The following GMDS variants were observed in gnomAD, a reference collection of about 807,000 sequenced individuals.
The protein encoded by GMDS is GDP-mannose 4,6 dehydratase.
In GMDS, 20 loss-of-function variants were observed where a neutral mutation model predicts 49.9. The ratio of observed to expected loss-of-function variants is 0.40; its 90% CI spans 0.28 to 0.58. The LOEUF is 0.58. Ranked by LOEUF, GMDS falls within the 20% of genes least tolerant of loss-of-function variation. The pLI is 0.42. For missense variants in GMDS, 362 were observed against 481.4 expected, an observed-to-expected ratio of 0.75 and a Z score of 2.32; for synonymous variants, 177 against 178.6, an observed-to-expected ratio of 0.99 and a Z score of 0.07.
intron 8 of GMDS, among the ~76,000 whole-genome samples, chr6:1,732,282 G>A (rs1387789207): frequency 4.6e-5 from 7 of 152,240 alleles, no homozygotes; most frequent in African/African-American, 7.2e-5. Context: ...AGCCCAGATC[G>A]CACCACTGCA....
chr6:1,998,275 C>G (rs762315829), intron 4 of GMDS, among the ~76,000 whole-genome samples: 1 of 151,974 alleles, frequency 6.6e-6, no homozygotes, highest in Admixed American at 6.6e-5. Flanking sequence ...ATAAACAGCC[C>G]ATGAAATACC....
At chr6:1,975,201 T>G (rs748868411) in intron 4 of GMDS, among the ~76,000 whole-genome samples, 9 of 152,178 alleles carry the variant, frequency 5.9e-5, no homozygotes, top group South Asian at 4.1e-4. Flanking sequence ...GAAAGTAAAG[T>G]GGCTTTGTGA....
intron 4 of GMDS, among the ~76,000 whole-genome samples, chr6:2,039,800 T>G (rs1211887574): frequency 6.6e-6 from 1 of 152,190 alleles, no homozygotes; most frequent in Admixed American, 6.6e-5. Flanking sequence ...AGCTGTTTTA[T>G]AGTTAACTTT....
At chr6:1,933,584 T>C (rs574665707) in intron 6 of GMDS, among the ~76,000 whole-genome samples, 167 of 152,344 alleles carry the variant, frequency 1.1e-3, no homozygotes, top group African/African-American at 4.0e-3. Flanking sequence ...TGGTATCTTA[T>C]TGTGGTTCCG....
chr6:1,778,450 G>A lies in GMDS; in HGVS notation c.772-35864C>T, dbSNP rs1476847001. 6.6e-6 allele frequency among the ~76,000 whole-genome samples: 1 copy of A among 152,202 alleles called. No individual in the cohort carries two copies. The highest frequency in any genetic ancestry group is 1.5e-5 in the Non-Finnish European group (1 of 68,034). The stretch of plus-strand genomic sequence containing the variant: ...GGAACGGCGGGCACTGTGCTGAGGA[G>A]TGGCCAAGGAACTGTGGAATTCAAG... On this transcript the variant is annotated intron_variant, in intron 7 of 10. Coordinates refer to ENST00000380815, the MANE Select transcript of GMDS (RefSeq NM_001500.4). The surrounding 1 kb of genome is among the most constrained non-coding windows in gnomAD (Gnocchi z 4.6).
At chr6:2,241,563 T>A (rs1186490511) in intron 1 of GMDS, among the ~76,000 whole-genome samples, 4 of 152,138 alleles carry the variant, frequency 2.6e-5, no homozygotes, top group Non-Finnish European at 2.9e-5. Flanking sequence ...AGATCCCTCA[T>A]GAATGCTTGG....
chr6:1,950,843 G>C (rs930767888), intron 6 of GMDS, among the ~76,000 whole-genome samples: 1 of 151,952 alleles, frequency 6.6e-6, no homozygotes, highest in Non-Finnish European at 1.5e-5. Flanking sequence ...GAACCATCTG[G>C]ACAGGACAGG....
At position 2,245,336 on chromosome 6, in the gene GMDS, G is replaced by A. The variant is rs1450970872; in HGVS notation, c.87C>T (p.Thr29=). 8.4e-6 allele frequency: 13 copies of A among 1,550,008 alleles called. No individual in the cohort carries two copies. Among genetic ancestry groups the A allele is most frequent in the Non-Finnish European group, 1.1e-5 (13 of 1,152,238 alleles). ...CCGCACTCACCTGGCCTGTGATACCGGTGATGAGCGCCACGTTCCTGGGCT... is the reference window on the plus strand; with the variant it reads ...CCGCACTCACCTGGCCTGTGATACCAGTGATGAGCGCCACGTTCCTGGGCT... ...MGKPRNVALI[T]GITGQDGSYL... is the part of the protein sequence containing the mutation. The change falls in exon 1 of 11, where the codon ACC becomes ACT. Residue 29 remains threonine, a synonymous_variant. Coordinates refer to ENST00000380815, the MANE Select transcript of GMDS (RefSeq NM_001500.4).
At chr6:1,846,862 T>C (rs1203048258) in intron 7 of GMDS, among the ~76,000 whole-genome samples, 2 of 152,310 alleles carry the variant, frequency 1.3e-5, no homozygotes, top group East Asian at 3.9e-4. Context: ...GTATCAAATA[T>C]ATCACTGTGG....
intron 6 of GMDS, among the ~76,000 whole-genome samples, chr6:1,949,634 C>T (rs1763244776): frequency 1.3e-5 from 2 of 152,122 alleles, no homozygotes; most frequent in African/African-American, 4.8e-5. Context: ...ATAACATGGG[C>T]CAGACAGCTT....
intron 1 of GMDS, among the ~76,000 whole-genome samples, chr6:2,141,376 G>C (rs3800164): frequency 0.041 from 6,195 of 152,304 alleles, 256 homozygotes; most frequent in South Asian, 0.13. Context: ...ACACAGGCCT[G>C]TTTATCATAC....
intron 1 of GMDS, among the ~76,000 whole-genome samples, chr6:2,163,616 G>A (rs1038161188): frequency 1.3e-5 from 2 of 152,154 alleles, no homozygotes; most frequent in African/African-American, 2.4e-5. Context: ...AGTCCAAAGG[G>A]AGGAAAAGAC....
chr6:1,661,802 G>C lies in GMDS; in HGVS notation c.988-37262C>G, dbSNP rs891039080. Among the ~76,000 whole-genome samples the C allele has an allele frequency of 9.9e-5, 15 of 152,232 alleles. 1 individual carries two copies. The highest frequency in any genetic ancestry group is 3.6e-4 in the African/African-American group (15 of 41,460). On this transcript the variant is annotated intron_variant, in intron 9 of 10. Transcript: ENST00000380815. ...TGCAGTGATGGGGGGTGCAGCCCTT[G>C]CTTCAGCATTCCCTGCTGCTGAGGC...
At chr6:2,142,424 AAAAG>A (rs1372698103) in intron 1 of GMDS, among the ~76,000 whole-genome samples, 2 of 152,106 alleles carry the variant, frequency 1.3e-5, no homozygotes, top group African/African-American at 4.8e-5. Context: ...TATTTAAAAA[AAAAG>A]AAAGAAAAGA....
At chr6:2,216,978 T>A (rs1780368690) in intron 1 of GMDS, among the ~76,000 whole-genome samples, 1 of 151,918 alleles carries the variant, frequency 6.6e-6, no homozygotes, top group South Asian at 2.1e-4. Context: ...TTGGCAAGGT[T>A]TGCACCATTC....
intron 8 of GMDS, among the ~76,000 whole-genome samples, chr6:1,737,846 C>T (rs1051182247): frequency 1.4e-4 from 18 of 129,866 alleles, no homozygotes; most frequent in East Asian, 4.8e-4. Context: ...CACACAGATA[C>T]GCGCACAGAT....
At chr6:1,789,753 T>C (rs1252453059) in intron 7 of GMDS, among the ~76,000 whole-genome samples, 1 of 152,110 alleles carries the variant, frequency 6.6e-6, no homozygotes, top group Non-Finnish European at 1.5e-5. Flanking sequence ...TTGCCCAGGA[T>C]AGTCCTGAAC....
chr6:1,737,831 CCA>C (rs60568944), intron 8 of GMDS, among the ~76,000 whole-genome samples: 19 of 143,268 alleles, frequency 1.3e-4, no homozygotes, highest in Non-Finnish European at 2.3e-4. Context: ...CAAAGACACA[CCA>C]CACACACAGA....
intron 7 of GMDS, among the ~76,000 whole-genome samples, chr6:1,800,553 C>T (rs1307277179): frequency 6.6e-6 from 1 of 152,140 alleles, no homozygotes; most frequent in Non-Finnish European, 1.5e-5. Flanking sequence ...TCTCCTGCCT[C>T]AGCCTCCTGA....
Sources: gnomAD v4.1 joint callset for allele counts (sites outside exome capture counted in the v4.1 genomes callset) on GRCh38, gnomAD v4.1.1 for gene constraint, Gnocchi (gnomAD v3.1) non-coding constraint, MANE v1.5 for transcripts, NCBI Gene and HGNC (gene_info 2026-07-23, HGNC 2026-07-21) for gene names.